Variants in CREG2 observed in about 807,000 individuals in gnomAD.
CREG2 encodes the protein cellular repressor of E1A stimulated genes 2.
CREG2 carries 24 observed loss-of-function variants against 26.2 expected under a neutral mutation model. That is an observed-to-expected ratio of 0.92 (90% CI 0.66 to 1.29). The LOEUF is 1.29. Among genes scored for constraint, CREG2 ranks in the 50% most tolerant of loss-of-function variants. The pLI is 0.00. For synonymous variants in CREG2, 174 were observed against 169.2 expected (o/e 1.03, Z -0.22); for missense variants, 366 against 398.6 (o/e 0.92, Z 0.70).
intron 2 of CREG2, chr2:101,375,999 T>C (rs2104482311): frequency 9.7e-6 from 2 of 205,384 alleles, no homozygotes; most frequent in South Asian, 1.9e-4. Flanking sequence ...TGGGCTGTGC[T>C]GTTTCAACTG....
intron 2 of CREG2, among the ~76,000 whole-genome samples, chr2:101,374,094 G>A (rs902880075): frequency 1.4e-4 from 21 of 152,204 alleles, no homozygotes; most frequent in African/African-American, 2.4e-4. Context: ...GCCCTGAGTC[G>A]TTTTTAAAAG....
chr2:101,370,235 A>G (rs762071455), intron 2 of CREG2, among the ~76,000 whole-genome samples: 2 of 152,210 alleles, frequency 1.3e-5, no homozygotes, highest in Admixed American at 1.3e-4. Flanking sequence ...TGTATACCAT[A>G]TACTGTTCCT....
intron 2 of CREG2, among the ~76,000 whole-genome samples, chr2:101,371,136 C>T (rs931146969): frequency 1.3e-5 from 2 of 152,138 alleles, no homozygotes; most frequent in Non-Finnish European, 2.9e-5. Flanking sequence ...GACCCCTGCC[C>T]CCTCCCCGTA....
At chr2:101,355,765 GT>G (rs1230727199) in intron 2 of CREG2, among the ~76,000 whole-genome samples, 1 of 152,158 alleles carries the variant, frequency 6.6e-6, no homozygotes, top group African/African-American at 2.4e-5. Flanking sequence ...GAGTACACAG[GT>G]GAGCAGGTTC....
rs1196711325 is a variant in CREG2 at position 101,382,976 on chromosome 2, T to C, written c.611+557A>G. On this transcript the variant is annotated intron_variant, in intron 2 of 3. Transcript: ENST00000324768. ...CATTTTGAATTCAGATAAAGGGGCC[T>C]GCATCAATGTTCTGTTAGTGCTTAA... The C allele has an allele frequency of 5.1e-6, 5 of 985,890 alleles. No homozygotes were observed. In the South Asian group the frequency reaches 1.9e-4, roughly 37 times the overall value. 61.1% of individuals were successfully genotyped at this position (985,890 alleles called of 1,614,324 possible). A position where few individuals can be genotyped will look rare whatever the true frequency, so the allele number is the denominator to read the frequency against.
In CREG2 at chr2:101,383,552, A is replaced by G; in HGVS notation, c.592T>C (p.Ser198Pro). The change falls in exon 2 of 4, where the codon TCA becomes CCA. Residue 198 changes from serine (S) to proline (P), a missense_variant. Coordinates refer to ENST00000324768, the MANE Select transcript of CREG2 (RefSeq NM_153836.4). ...GTCTACCTGCAGAACTCCCCTTCTG[A>G]TTCTGGCAGCATCAGCGAGGCCATG... ...NPMASLMLPE[S>P]EGEFCRKNIV... The G allele has an allele frequency of 6.2e-7, 1 of 1,614,034 alleles. No homozygotes were observed. Among genetic ancestry groups the G allele is most frequent in the Non-Finnish European group, 8.5e-7 (1 of 1,180,038 alleles).
intron 1 of CREG2, among the ~76,000 whole-genome samples, chr2:101,385,013 G>A (rs939266127): frequency 1.4e-4 from 21 of 152,140 alleles, no homozygotes; most frequent in African/African-American, 4.6e-4. Flanking sequence ...GCTGCACCAT[G>A]CTTTCTGAAC....
chr2:101,360,600 T>C (rs527828429), intron 2 of CREG2, among the ~76,000 whole-genome samples: 2 of 151,916 alleles, frequency 1.3e-5, no homozygotes, highest in Non-Finnish European at 2.9e-5. Context: ...TAGCCGGGTG[T>C]GGTGGTGGGC....
intron 1 of CREG2, among the ~76,000 whole-genome samples, chr2:101,386,715 G>T (rs1315168338): frequency 6.6e-6 from 1 of 152,030 alleles, no homozygotes. Context: ...GGTCTCGGTC[G>T]GACGCTGGTT....
In CREG2 at chr2:101,387,419, C is replaced by G. The variant is rs1316430082; in HGVS notation, c.39G>C (p.Gly13=). ...VRRGRRPARP[G]TRLSWLLCCS... ...AGCACAGCAGCCAGGAGAGGCGGGT[C>G]CCCGGCCGCGCCGGCCGCCGGCCGC... The change falls in exon 1 of 4, where the codon GGG becomes GGC. Residue 13 remains glycine (G), a synonymous_variant. Transcript: ENST00000324768. The surrounding 1 kb of genome is among the most constrained non-coding windows in gnomAD (Gnocchi z 4.7). 5 of 1,276,208 alleles carry G rather than the reference C, an allele frequency of 3.9e-6. No individual in the cohort carries two copies. The highest frequency in any genetic ancestry group is 5.0e-6 in the Non-Finnish European group (5 of 1,008,010). 79.1% of individuals were successfully genotyped at this position (1,276,208 alleles called of 1,614,324 possible).
intron 2 of CREG2, among the ~76,000 whole-genome samples, chr2:101,369,658 C>A (rs934924818): frequency 6.6e-6 from 1 of 152,150 alleles, no homozygotes; most frequent in Non-Finnish European, 1.5e-5. Flanking sequence ...TTGAAAGATG[C>A]GTATTTCCAT....
In CREG2 at chr2:101,353,371, A is replaced by G. The variant is rs1684410641; in HGVS notation, c.725+1882T>C. On this transcript the variant is annotated intron_variant, in intron 3 of 3. Coordinates refer to ENST00000324768, the MANE Select transcript of CREG2 (RefSeq NM_153836.4). Reference sequence around the variant, plus strand: ...CCAACAAATATATGAAACAAAGCTCATCATCACTGGTCATTAGAGAAATGC... The same window carrying G: ...CCAACAAATATATGAAACAAAGCTCGTCATCACTGGTCATTAGAGAAATGC... 1.3e-5 allele frequency among the ~76,000 whole-genome samples: 2 copies of G among 152,370 alleles called. 1 individual carries two copies. Among genetic ancestry groups the G allele is most frequent in the African/African-American group, 4.8e-5 (2 of 41,592 alleles).
intron 2 of CREG2, among the ~76,000 whole-genome samples, chr2:101,361,106 C>T (rs910703229): frequency 4.6e-5 from 7 of 152,134 alleles, no homozygotes; most frequent in African/African-American, 9.7e-5. Flanking sequence ...AGAATAATAA[C>T]ACAGTACATT....
At position 101,383,421 on chromosome 2, in the gene CREG2, A is replaced by G. The variant is rs1191618409; in HGVS notation, c.611+112T>C. ...TATCTGATTTCAAGGGTGAACATCA[A>G]TGTGCATCTCAGAGTTCTGTTAAAG... On this transcript the variant is annotated intron_variant, in intron 2 of 3. Transcript: ENST00000324768. The G allele has an allele frequency of 4.3e-6, 4 of 934,132 alleles. No homozygotes were observed. The East Asian group carries it at 8.0e-5, about 19-fold the overall frequency. The allele number at this position is 934,132 out of a possible 1,614,324, so 57.9% of individuals were successfully genotyped here.
At chr2:101,365,494 T>C (rs964336161) in intron 2 of CREG2, among the ~76,000 whole-genome samples, 6 of 152,218 alleles carry the variant, frequency 3.9e-5, no homozygotes, top group Non-Finnish European at 8.8e-5. Flanking sequence ...GAATGGTCTT[T>C]GGTATGACAT....
chr2:101,349,374 A>T lies in CREG2; in HGVS notation c.*1549T>A, dbSNP rs1296754564. 6.6e-6 allele frequency: 1 copy of T among 152,636 alleles called. No individual in the cohort carries two copies. The highest frequency in any genetic ancestry group is 2.4e-5 in the African/African-American group (1 of 41,458). 9.5% of individuals were successfully genotyped at this position (152,636 alleles called of 1,614,324 possible). A position where few individuals can be genotyped will look rare whatever the true frequency, so the allele number is the denominator to read the frequency against. ...TATGTTTTTAGCAATAGATAATTAA[A>T]ATATATTTTGACAACTCAAGCTCTC... is the stretch of plus-strand genomic sequence containing the variant. On this transcript the variant is annotated 3_prime_UTR_variant, in exon 4 of 4. Coordinates refer to ENST00000324768, the MANE Select transcript of CREG2 (RefSeq NM_153836.4).
intron 2 of CREG2, among the ~76,000 whole-genome samples, chr2:101,371,013 C>G (rs1203376603): frequency 1.3e-5 from 2 of 152,156 alleles, no homozygotes; most frequent in African/African-American, 4.8e-5. Flanking sequence ...TGAGTTCCCT[C>G]TGCCATTTCT....
At chr2:101,353,061 A>T (rs1156720327) in intron 3 of CREG2, among the ~76,000 whole-genome samples, 1 of 152,350 alleles carries the variant, frequency 6.6e-6, no homozygotes, top group East Asian at 1.9e-4. Context: ...TAGGTAGAAA[A>T]TAGGAAATGT....
chr2:101,360,796 T>C (rs1300718156), intron 2 of CREG2, among the ~76,000 whole-genome samples: 7 of 149,584 alleles, frequency 4.7e-5, no homozygotes, highest in African/African-American at 1.7e-4. Context: ...ACTGGAAAAA[T>C]GTGGTTGTTA....
Sources: gnomAD v4.1 joint callset for allele counts (sites outside exome capture counted in the v4.1 genomes callset) on GRCh38, gnomAD v4.1.1 for gene constraint, Gnocchi (gnomAD v3.1) non-coding constraint, MANE v1.5 for transcripts, NCBI Gene and HGNC (gene_info 2026-07-23, HGNC 2026-07-21) for gene names.